Variants in FSTL4 observed in about 807,000 individuals in gnomAD.
The protein encoded by FSTL4 is follistatin like 4.
FSTL4 carries 28 observed loss-of-function variants against 78.2 expected under a neutral mutation model. The observed-to-expected ratio is 0.36, with a 90% confidence interval of 0.27 to 0.49. The LOEUF (loss-of-function observed/expected upper bound fraction) is 0.49. Among genes scored for constraint, FSTL4 ranks in the 20% least tolerant of loss-of-function variants. The pLI, the probability that FSTL4 is intolerant of heterozygous loss-of-function variation, is 0.98. For missense variants in FSTL4, 922 were observed against 1,084.9 expected (o/e 0.85, Z 2.11); for synonymous variants, 422 against 440.5 (o/e 0.96, Z 0.53).
At chr5:133,660,652 C>T in the FSTL4 span, among the ~76,000 whole-genome samples, 1 of 152,234 alleles carries the variant, frequency 6.6e-6, no homozygotes, top group East Asian at 1.9e-4. Flanking sequence ...TCTCCCCAGC[C>T]TGTGCCACTG....
chr5:133,773,641 A>G, the FSTL4 span, among the ~76,000 whole-genome samples: 1 of 152,152 alleles, frequency 6.6e-6, no homozygotes, highest in African/African-American at 2.4e-5. Context: ...CAGTTTAGAG[A>G]AGGTATCAGC....
chr5:133,322,220 CA>C (rs1291888326), intron 4 of FSTL4, among the ~76,000 whole-genome samples: 2 of 142,252 alleles, frequency 1.4e-5, no homozygotes, highest in Non-Finnish European at 3.0e-5. Flanking sequence ...CTTACACACA[CA>C]CACCCACACA....
intron 6 of FSTL4, among the ~76,000 whole-genome samples, chr5:133,291,184 C>T (rs553731562): frequency 6.6e-6 from 1 of 152,088 alleles, no homozygotes; most frequent in Non-Finnish European, 1.5e-5. Flanking sequence ...GGGGGAAGAG[C>T]GGGCCGTTGA....
chr5:133,488,148 GTT>G (rs1378192253), intron 3 of FSTL4, among the ~76,000 whole-genome samples: 2 of 152,208 alleles, frequency 1.3e-5, no homozygotes, highest in Non-Finnish European at 2.9e-5. Context: ...TACACATATG[GTT>G]TTTAACTGGC....
the FSTL4 span, among the ~76,000 whole-genome samples, chr5:133,701,507 A>ACCCC: frequency 6.8e-5 from 7 of 102,702 alleles, no homozygotes; most frequent in South Asian, 3.4e-4. Flanking sequence ...ACACACACAC[A>ACCCC]CACCCCACAG....
intron 3 of FSTL4, among the ~76,000 whole-genome samples, chr5:133,457,552 A>T (rs1757516169): frequency 6.6e-6 from 1 of 152,220 alleles, no homozygotes; most frequent in East Asian, 1.9e-4. Flanking sequence ...AATGCTGTGA[A>T]GCCCTGAAGG....
the FSTL4 span, among the ~76,000 whole-genome samples, chr5:133,816,931 G>A: frequency 6.6e-6 from 1 of 152,158 alleles, no homozygotes; most frequent in Non-Finnish European, 1.5e-5. Flanking sequence ...AGGGAGATCA[G>A]GGGTGTAAAG....
intron 6 of FSTL4, among the ~76,000 whole-genome samples, chr5:133,308,673 T>C (rs747021765): frequency 3.9e-5 from 6 of 152,190 alleles, no homozygotes; most frequent in Non-Finnish European, 8.8e-5. Context: ...AAAAAACAGA[T>C]GTAAATTCAC....
upstream of FSTL4, among the ~76,000 whole-genome samples, chr5:133,612,729 G>A (rs1761129118): frequency 2.6e-5 from 4 of 152,070 alleles, no homozygotes; most frequent in African/African-American, 7.2e-5. This position sits in a 1 kb window ranked among gnomAD's most constrained non-coding sequence, Gnocchi z 6.2. Context: ...GGGCCCGGAG[G>A]GAGGAGGGCC....
At chr5:133,698,579 G>A in the FSTL4 span, among the ~76,000 whole-genome samples, 3 of 152,216 alleles carry the variant, frequency 2.0e-5, no homozygotes, top group Non-Finnish European at 2.9e-5. Flanking sequence ...CATTACATGC[G>A]ATAATGCGTG....
chr5:133,761,371 A>C, the FSTL4 span, among the ~76,000 whole-genome samples: 1 of 152,288 alleles, frequency 6.6e-6, no homozygotes, highest in Non-Finnish European at 1.5e-5. Flanking sequence ...TGTTATAATA[A>C]ATTTTATTCT....
chr5:133,498,093 A>G (rs754494703), intron 3 of FSTL4, among the ~76,000 whole-genome samples: 14 of 152,262 alleles, frequency 9.2e-5, no homozygotes, highest in African/African-American at 3.1e-4. Context: ...CACCCCCCCA[A>G]TAAATACATA....
At chr5:133,423,881 T>C (rs1417928381) in intron 3 of FSTL4, among the ~76,000 whole-genome samples, 1 of 152,000 alleles carries the variant, frequency 6.6e-6, no homozygotes, top group Non-Finnish European at 1.5e-5. Context: ...CAAGACTGGG[T>C]GTGCACGTGC....
chr5:133,485,321 A>T (rs1015047383), intron 3 of FSTL4, among the ~76,000 whole-genome samples: 1 of 152,206 alleles, frequency 6.6e-6, no homozygotes, highest in African/African-American at 2.4e-5. Context: ...ATCTGCCTGG[A>T]GACTCACAGA....
the FSTL4 span, among the ~76,000 whole-genome samples, chr5:133,800,730 G>A: frequency 1.2e-4 from 11 of 92,570 alleles, 2 homozygotes; most frequent in African/African-American, 2.7e-4. Context: ...CAATTTACTC[G>A]AATGCTTCAC....
chr5:133,526,318 T>C (rs1759099455), intron 3 of FSTL4, among the ~76,000 whole-genome samples: 1 of 151,876 alleles, frequency 6.6e-6, no homozygotes, highest in South Asian at 2.1e-4. Flanking sequence ...GGGGTGGGTT[T>C]TGAGTGTTGA....
chr5:133,386,665 G>A (rs1755707157), intron 4 of FSTL4, among the ~76,000 whole-genome samples: 1 of 152,158 alleles, frequency 6.6e-6, no homozygotes, highest in Non-Finnish European at 1.5e-5. Context: ...ACATAAACGA[G>A]ATCTTCATGT....
intron 13 of FSTL4, among the ~76,000 whole-genome samples, chr5:133,214,926 A>ATTTACTCACCT (rs779389636): frequency 1.3e-4 from 20 of 152,094 alleles, no homozygotes; most frequent in Non-Finnish European, 2.1e-4. Flanking sequence ...ATTTCTTTAC[A>ATTTACTCACCT]TTTACTCACC....
chr5:133,395,790 A>G (rs1444259118), intron 4 of FSTL4, among the ~76,000 whole-genome samples: 2 of 152,120 alleles, frequency 1.3e-5, no homozygotes, highest in East Asian at 3.9e-4. Flanking sequence ...ATCCACCTTG[A>G]AGGTCCCCTC....
Sources: gnomAD v4.1 joint callset for allele counts (sites outside exome capture counted in the v4.1 genomes callset) on GRCh38, gnomAD v4.1.1 for gene constraint, Gnocchi (gnomAD v3.1) non-coding constraint, MANE v1.5 for transcripts, NCBI Gene and HGNC (gene_info 2026-07-23, HGNC 2026-07-21) for gene names.